Variants in MNT observed in about 807,000 individuals in gnomAD.
The protein encoded by MNT is max-binding protein MNT.
Under a neutral mutation model 40.7 loss-of-function variants are expected in MNT, and 13 were observed. The ratio of observed to expected loss-of-function variants is 0.32; its 90% CI spans 0.21 to 0.51. The LOEUF is 0.51. MNT is among the 20% of genes least tolerant of loss of function. MNT has a pLI of 0.98. For synonymous variants in MNT, 426 were observed against 354.8 expected (o/e 1.20, Z -2.26); for missense variants, 757 against 792.0 (o/e 0.96, Z 0.53).
In MNT at chr17:2,394,294, C is replaced by CAT. The variant is rs768450243; in HGVS notation, c.695+10_695+11insAT. ...GCACGCACGCACACACACACACACA[C>CAT]ACACACACACCTGTTCTTCTCCAAT... is the stretch of plus-strand genomic sequence containing the variant. On this transcript the variant is annotated intron_variant, in intron 3 of 5. Coordinates refer to ENST00000174618, the MANE Select transcript of MNT (RefSeq NM_020310.3). 14 of 1,613,220 alleles carry CAT rather than the reference C, an allele frequency of 8.7e-6. No homozygotes were observed. In the Admixed American group the frequency reaches 1.8e-4, roughly 21 times the overall value.
intron 1 of MNT, chr17:2,396,317 C>G (rs1159038502): frequency 6.5e-6 from 1 of 153,494 alleles, no homozygotes; most frequent in Admixed American, 6.5e-5. Flanking sequence ...ATCCCCACCA[C>G]CAGCAGCAGC....
intron 1 of MNT, among the ~76,000 whole-genome samples, chr17:2,397,574 G>T (rs1004830030): frequency 2.6e-5 from 4 of 152,152 alleles, no homozygotes; most frequent in African/African-American, 9.7e-5. Flanking sequence ...TCACCTGGGA[G>T]GTAGCAACCT....
intron 4 of MNT, chr17:2,389,358 C>A: frequency 6.6e-6 from 1 of 152,320 alleles, no homozygotes. Flanking sequence ...TCACTGCAAT[C>A]TCTGCCTCCC....
intron 1 of MNT, among the ~76,000 whole-genome samples, chr17:2,400,089 C>A (rs1383054152): frequency 1.3e-5 from 2 of 152,000 alleles, no homozygotes; most frequent in Non-Finnish European, 2.9e-5. Flanking sequence ...CCGGGAGCGC[C>A]CCCCGCACCC....
Position 2,386,825 on chromosome 17 carries a change from T to C in MNT, c.*76A>G. ...CTGGCCTGGGCCTGGCTGGAATGTG[T>C]GGAGCTGGTGGGTGAGAGAGTGGGG... On this transcript the variant is annotated 3_prime_UTR_variant, in exon 6 of 6. Transcript: ENST00000174618. The C allele has an allele frequency of 7.2e-7, 1 of 1,396,304 alleles. No individual in the cohort carries two copies. 86.5% of individuals were successfully genotyped at this position (1,396,304 alleles called of 1,614,324 possible).
intron 4 of MNT, chr17:2,389,431 A>G (rs1177443744): frequency 1.3e-5 from 2 of 151,966 alleles, no homozygotes; most frequent in African/African-American, 4.8e-5. Context: ...ATGTGCCACC[A>G]CACCCGGCTA....
rs2066452308 is a variant in MNT at position 2,385,695 on chromosome 17, T to C, written c.*1206A>G. The C allele has an allele frequency of 6.6e-6, 1 of 152,374 alleles. No homozygotes were observed. The highest frequency in any genetic ancestry group is 6.5e-5 in the Admixed American group (1 of 15,292). The allele number at this position is 152,374 out of a possible 1,614,324, so 9.4% of individuals were successfully genotyped here. ...CGGGAGAAGCAGGGTGTTGAGGGGA[T>C]GGGAGGACAGAGGCAAAGGGGCTGG... On this transcript the variant is annotated 3_prime_UTR_variant, in exon 6 of 6. Coordinates refer to ENST00000174618, the MANE Select transcript of MNT (RefSeq NM_020310.3).
chr17:2,400,436 C>G, intron 1 of MNT: 1 of 484,862 alleles, frequency 2.1e-6, no homozygotes, highest in Non-Finnish European at 3.6e-6. Context: ...CCAGGTCCCT[C>G]GCAGCATGTT....
chr17:2,394,962 T>C lies in MNT; in HGVS notation c.566A>G (p.Gln189Arg). The change falls in exon 2 of 6, where the codon CAG becomes CGG. Residue 189 changes from glutamine to arginine, a missense_variant. Physicochemically the swap from Gln to Arg is conservative, Grantham distance 43. Transcript: ENST00000174618. The part of the protein sequence containing the change: ...HPGVQPQLAP[Q>R]QPPPPTLGTL... ...CCCCAGCGTGGGTGGGGGCGGCTGCTGGGGGGCCAGCTGAGGCTGGACTCC... is the reference window on the plus strand; with the variant it reads ...CCCCAGCGTGGGTGGGGGCGGCTGCCGGGGGGCCAGCTGAGGCTGGACTCC... The C allele has an allele frequency of 6.2e-7, 1 of 1,607,542 alleles. No homozygotes were observed. The highest frequency in any genetic ancestry group is 8.5e-7 in the Non-Finnish European group (1 of 1,177,402).
chr17:2,386,885 C>G lies in MNT; in HGVS notation c.*16G>C. On this transcript the variant is annotated 3_prime_UTR_variant, in exon 6 of 6. Transcript: ENST00000174618. Reference sequence around the variant, plus strand: ...CCCTCCCTGTCCCCACTGGGGGCCTCTGAGTGGCCTCGTCCTCAAGCCAGC... The same window carrying G: ...CCCTCCCTGTCCCCACTGGGGGCCTGTGAGTGGCCTCGTCCTCAAGCCAGC... The G allele has an allele frequency of 6.9e-7, 1 of 1,454,814 alleles. No homozygotes were observed. The highest frequency in any genetic ancestry group is 2.5e-5 in the East Asian group (1 of 40,122). The allele number at this position is 1,454,814 out of a possible 1,614,324, so 90.1% of individuals were successfully genotyped here. A position where few individuals can be genotyped will look rare whatever the true frequency, so the allele number is the denominator to read the frequency against.
Position 2,387,550 on chromosome 17 carries a change from G to C in MNT, c.1100C>G (p.Thr367Ser). The change falls in exon 6 of 6, where the codon ACC (threonine) becomes AGC (serine). Residue 367 changes from threonine to serine, a missense_variant. By Grantham distance (58) the Thr-to-Ser change is moderately conservative. Around this residue, in one of 4 missense-constraint regions of MNT, gnomAD observed 345 missense variants for 380.1 expected, o/e 0.91. Transcript: ENST00000174618. Reference protein sequence around the residue: ...HRPQPELLKSTLPPPSTTPAP... With the variant: ...HRPQPELLKSSLPPPSTTPAP... The stretch of plus-strand genomic sequence containing the variant: ...AGGGGTGGTGCTGGGGGGTGGCAGG[G>C]TGGACTTCAGCAGCTCCGGCTGGGG... The C allele has an allele frequency of 6.2e-7, 1 of 1,613,936 alleles. No individual in the cohort carries two copies. The highest frequency in any genetic ancestry group is 8.5e-7 in the Non-Finnish European group (1 of 1,179,940).
intron 1 of MNT, chr17:2,396,552 G>A (rs1182626213): frequency 6.6e-6 from 1 of 152,286 alleles, no homozygotes; most frequent in Admixed American, 6.5e-5. Context: ...GCTGAGCAGG[G>A]CAGTGCACCC....
At chr17:2,391,122 G>C (rs1597417222) in intron 4 of MNT, 1 of 152,486 alleles carries the variant, frequency 6.6e-6, no homozygotes, top group South Asian at 2.1e-4. Flanking sequence ...CCGAGTAGCT[G>C]GGACTACAGG....
chr17:2,393,302 C>T (rs1028983158), intron 4 of MNT, among the ~76,000 whole-genome samples: 11 of 151,948 alleles, frequency 7.2e-5, no homozygotes, highest in Non-Finnish European at 1.6e-4. Context: ...AACCGCCTGA[C>T]GTGGCGGCGC....
At chr17:2,394,270 C>CACGG in intron 3 of MNT, 35 bp downstream of exon 3, 1 of 1,577,664 alleles carries the variant, frequency 6.3e-7, no homozygotes, top group South Asian at 1.1e-5. Context: ...CGCGCGCACG[C>CACGG]ACGCACGCAC....
rs2066557718 is a variant in MNT at position 2,394,308 on chromosome 17, T to C, written c.692A>G (p.Asn231Ser). ...ACACACACACACACACACACACCTG[T>C]TCTTCTCCAATTTGTTGTGGACTTC... ...TREVHNKLEK[N>S]RRAHLKECFE... The change falls in exon 3 of 6, where the codon AAC becomes AGC. Residue 231 changes from asparagine to serine, a missense_variant. By Grantham distance (46) the Asn-to-Ser change is conservative (BLOSUM62 1). Transcript: ENST00000174618. The C allele has an allele frequency of 1.4e-6, 2 of 1,431,168 alleles. No individual in the cohort carries two copies. Among genetic ancestry groups the C allele is most frequent in the Non-Finnish European group, 9.4e-7 (1 of 1,068,898 alleles). The allele number at this position is 1,431,168 out of a possible 1,614,324, so 88.7% of individuals were successfully genotyped here. A position where few individuals can be genotyped will look rare whatever the true frequency, so the allele number is the denominator to read the frequency against.
intron 3 of MNT, 65 bp from the exon 4 acceptor site, chr17:2,394,219 A>G: frequency 6.3e-7 from 1 of 1,583,352 alleles, no homozygotes; most frequent in Admixed American, 1.8e-5. Context: ...GGGAGGCAGG[A>G]CCGGGGAAGC....
At position 2,387,568 on chromosome 17, in the gene MNT, G is replaced by A. The variant is rs773783155; in HGVS notation, c.1082C>T (p.Pro361Leu). ...GPPKLSHRPQ[P>L]ELLKSTLPPP... ...TGGCAGGGTGGACTTCAGCAGCTCC[G>A]GCTGGGGACGATGGCTCAGCTTAGG... Residue 361 changes from proline (P) to leucine (L), a missense_variant, in exon 6 of 6, where the codon CCG becomes CTG. By Grantham distance (98) the Pro-to-Leu change is moderately conservative (BLOSUM62 -3). Coordinates refer to ENST00000174618, the MANE Select transcript of MNT (RefSeq NM_020310.3). 2.2e-5 allele frequency: 36 copies of A among 1,613,964 alleles called. No individual in the cohort carries two copies. In the East Asian group the frequency reaches 6.2e-4, roughly 28 times the overall value.
In MNT at chr17:2,394,273, G is replaced by GCGCA. The variant is rs1555611866; in HGVS notation, c.695+31_695+32insTGCG. 5 of 1,352,010 alleles carry GCGCA rather than the reference G, an allele frequency of 3.7e-6. No individual in the cohort carries two copies. The South Asian group carries it at 5.1e-5, about 14-fold the overall frequency. The allele number at this position is 1,352,010 out of a possible 1,614,324, so 83.8% of individuals were successfully genotyped here. A position where few individuals can be genotyped will look rare whatever the true frequency, so the allele number is the denominator to read the frequency against. The stretch of plus-strand genomic sequence containing the variant: ...GGGCCCGGGTCGCGCGCGCACGCAC[G>GCGCA]CACGCACACACACACACACACACAC... On this transcript the variant is annotated intron_variant, in intron 3 of 5. Transcript: ENST00000174618.
Sources: gnomAD v4.1 joint callset for allele counts (sites outside exome capture counted in the v4.1 genomes callset) on GRCh38, gnomAD v4.1.1 for gene constraint, gnomAD v4.1.1 regional missense constraint, MANE v1.5 for transcripts, NCBI Gene and HGNC (gene_info 2026-07-23, HGNC 2026-07-21) for gene names.